CDH18: variants seen among roughly 807,000 people sequenced by gnomAD.
The protein encoded by CDH18 is cadherin-18.
Under a neutral mutation model 67.9 loss-of-function variants are expected in CDH18, and 31 were observed. The observed-to-expected ratio is 0.46, with a 90% CI of 0.34 to 0.62. The LOEUF (loss-of-function observed/expected upper bound fraction) is 0.62. Ranked by LOEUF, CDH18 falls within the 20% of genes least tolerant of loss-of-function variation. CDH18 has a pLI of 0.01. For synonymous variants in CDH18, 362 were observed against 347.2 expected (o/e 1.04, Z -0.48); for missense variants, 890 against 975.5 (o/e 0.91, Z 1.17).
intron 1 of CDH18, among the ~76,000 whole-genome samples, chr5:20,313,200 G>A (rs576594604): frequency 3.3e-5 from 5 of 152,224 alleles, no homozygotes; most frequent in African/African-American, 1.2e-4. Flanking sequence ...AGGTATCAGA[G>A]TTGTTAATTG....
At chr5:20,437,797 G>A (rs1749285666) in intron 1 of CDH18, among the ~76,000 whole-genome samples, 1 of 150,996 alleles carries the variant, frequency 6.6e-6, no homozygotes, top group Admixed American at 6.6e-5. Flanking sequence ...ACAAATAATA[G>A]CCTTACAGAA....
chr5:19,960,718 C>T (rs1041319292), intron 2 of CDH18, among the ~76,000 whole-genome samples: 7 of 124,280 alleles, frequency 5.6e-5, no homozygotes, highest in African/African-American at 2.2e-4. Flanking sequence ...TATGTATACA[C>T]GTGTATATAC....
chr5:19,741,445 T>C (rs1280625090), intron 4 of CDH18, among the ~76,000 whole-genome samples: 1 of 151,922 alleles, frequency 6.6e-6, no homozygotes, highest in Non-Finnish European at 1.5e-5. Flanking sequence ...CACAATTTTT[T>C]TTTTAATGAG....
chr5:19,896,336 T>G (rs1472172137), intron 2 of CDH18, among the ~76,000 whole-genome samples: 1 of 151,410 alleles, frequency 6.6e-6, no homozygotes, highest in Non-Finnish European at 1.5e-5. Flanking sequence ...GCAACAAGAG[T>G]AAAACTCCCT....
intron 10 of CDH18, among the ~76,000 whole-genome samples, chr5:19,517,878 T>G (rs929137200): frequency 1.3e-5 from 2 of 152,048 alleles, no homozygotes; most frequent in Non-Finnish European, 2.9e-5. Context: ...ATTTTTTTAT[T>G]CTGACTTACT....
At position 20,318,924 on chromosome 5, in the gene CDH18, A is replaced by G. The variant is rs1737718328; in HGVS notation, c.-579-63419T>C. ...TAATTCAGCACCTTTCCAACATCAG[A>G]TTTTCTGTCTATTTCCTACAAGGTT... On this transcript the variant is annotated intron_variant, in intron 1 of 14. Transcript: ENST00000507958. 4.6e-5 allele frequency among the ~76,000 whole-genome samples: 7 copies of G among 151,942 alleles called. No homozygotes were observed. In the South Asian group the frequency reaches 1.0e-3, roughly 23 times the overall value.
chr5:20,417,372 A>C (rs1024937210), intron 1 of CDH18, among the ~76,000 whole-genome samples: 1 of 152,174 alleles, frequency 6.6e-6, no homozygotes, highest in African/African-American at 2.4e-5. Context: ...ACTAATAGCA[A>C]ATCTTCAGAA....
chr5:20,564,551 T>C (rs1205817145), intron 1 of CDH18, among the ~76,000 whole-genome samples: 1 of 152,126 alleles, frequency 6.6e-6, no homozygotes, highest in African/African-American at 2.4e-5. Context: ...CCTCCCAAAA[T>C]CACCATTTTA....
chr5:20,475,157 T>C (rs1258482397), intron 1 of CDH18, among the ~76,000 whole-genome samples: 3 of 152,222 alleles, frequency 2.0e-5, no homozygotes, highest in Non-Finnish European at 2.9e-5. Context: ...CACATTTTTC[T>C]AATATACAAT....
intron 5 of CDH18, among the ~76,000 whole-genome samples, chr5:19,665,800 TGTG>T (rs1212279752): frequency 6.6e-6 from 1 of 152,036 alleles, no homozygotes; most frequent in African/African-American, 2.4e-5. Flanking sequence ...TAGTTAATAT[TGTG>T]GTGAAAGTTT....
chr5:19,534,441 C>T (rs971943922), intron 9 of CDH18, among the ~76,000 whole-genome samples: 6 of 152,048 alleles, frequency 3.9e-5, no homozygotes, highest in Non-Finnish European at 8.8e-5. Flanking sequence ...CAATTTGTTA[C>T]TTGTTACTAT....
chr5:20,326,818 G>A (rs1738642151), intron 1 of CDH18, among the ~76,000 whole-genome samples: 1 of 152,090 alleles, frequency 6.6e-6, no homozygotes, highest in Admixed American at 6.5e-5. Context: ...TGGGATCACC[G>A]GCTTGAGCCA....
intron 8 of CDH18, among the ~76,000 whole-genome samples, chr5:19,548,297 T>A (rs1011936283): frequency 1.5e-4 from 15 of 100,852 alleles, no homozygotes; most frequent in African/African-American, 4.1e-4. Context: ...GAATTGGGAT[T>A]TTAAATTAAA....
intron 5 of CDH18, among the ~76,000 whole-genome samples, chr5:19,650,745 T>A (rs1337032140): frequency 3.9e-5 from 6 of 152,032 alleles, no homozygotes; most frequent in Non-Finnish European, 4.4e-5. Flanking sequence ...TAAACGTATT[T>A]CCACATCTTT....
intron 2 of CDH18, among the ~76,000 whole-genome samples, chr5:20,226,532 A>G (rs1741643078): frequency 6.6e-6 from 1 of 152,126 alleles, no homozygotes; most frequent in Admixed American, 6.6e-5. Flanking sequence ...TCAACAGTAA[A>G]ATAATTGTCG....
chr5:19,916,008 C>T (rs529330586), intron 2 of CDH18, among the ~76,000 whole-genome samples: 1 of 152,260 alleles, frequency 6.6e-6, no homozygotes, highest in South Asian at 2.1e-4. Flanking sequence ...TTAAGTTGCT[C>T]CAGCCATTAT....
Position 20,432,987 on chromosome 5 carries a change from T to G in CDH18, c.-580+142475A>C, listed in dbSNP as rs892092303. Reference sequence around the variant, plus strand: ...TTAGACAGCATATATAATAAATGTATGTATACTATTTAGTCATTGTGTGTA... The same window carrying G: ...TTAGACAGCATATATAATAAATGTAGGTATACTATTTAGTCATTGTGTGTA... On this transcript the variant is annotated intron_variant, in intron 1 of 14. Transcript: ENST00000507958. Among the ~76,000 whole-genome samples, 5 of 147,728 alleles carry G rather than the reference T, an allele frequency of 3.4e-5. No individual in the cohort carries two copies. In the Admixed American group the frequency reaches 3.4e-4, roughly 10 times the overall value.
At chr5:20,454,067 T>C (rs558434610) in intron 1 of CDH18, among the ~76,000 whole-genome samples, 12 of 152,142 alleles carry the variant, frequency 7.9e-5, no homozygotes, top group Non-Finnish European at 1.6e-4. Flanking sequence ...TAGGCAGTTG[T>C]CTGAGTGTGG....
intron 5 of CDH18, among the ~76,000 whole-genome samples, chr5:19,704,062 C>T (rs1580966082): frequency 6.6e-6 from 1 of 152,236 alleles, no homozygotes; most frequent in East Asian, 1.9e-4. Context: ...CTGATTGTGT[C>T]ATATGTGGAA....
Sources: gnomAD v4.1 joint callset for allele counts (sites outside exome capture counted in the v4.1 genomes callset) on GRCh38, gnomAD v4.1.1 for gene constraint, MANE v1.5 for transcripts, NCBI Gene and HGNC (gene_info 2026-07-23, HGNC 2026-07-21) for gene names.